WASF1: variants seen among roughly 807,000 people sequenced by gnomAD.
WASF1 encodes WASP family member 1.
Under a neutral mutation model 50.5 loss-of-function variants are expected in WASF1, and 7 were observed. That is an observed-to-expected ratio of 0.14 (90% CI 0.08 to 0.26). WASF1 has a LOEUF of 0.26. Ranked by LOEUF, WASF1 falls within the 10% of genes least tolerant of loss-of-function variation. The pLI, the probability that WASF1 is intolerant of heterozygous loss-of-function variation, is 1.00. For synonymous variants in WASF1, 205 were observed against 244.0 expected (o/e 0.84, Z 1.49); for missense variants, 470 against 694.7 (o/e 0.68, Z 3.64).
chr6:110,113,181 A>T, intron 5 of WASF1, 145 bp downstream of exon 5: 1 of 687,746 alleles, frequency 1.5e-6, no homozygotes, highest in Non-Finnish European at 2.1e-6. Flanking sequence ...ATTTTTAGAT[A>T]ATTCACTGAT....
intron 3 of WASF1, among the ~76,000 whole-genome samples, chr6:110,152,054 C>T (rs1156473722): frequency 3.3e-5 from 5 of 152,108 alleles, no homozygotes; most frequent in Non-Finnish European, 5.9e-5. Context: ...AGCACTATTC[C>T]TATGATTATA....
At chr6:110,142,203 T>C (rs1226581533) in intron 3 of WASF1, among the ~76,000 whole-genome samples, 1 of 152,220 alleles carries the variant, frequency 6.6e-6, no homozygotes, top group Non-Finnish European at 1.5e-5. Context: ...CATTTCTTCA[T>C]CTTTATGGGC....
rs561481806 is a variant in WASF1, at chr6:110,131,743, T to C, written c.-28-4114A>G. ...GTCTCAAACTCCTCAGCTCAGACAA[T>C]TGACCCACCTCAGCCTCCCAAAGTG... On this transcript the variant is annotated intron_variant, in intron 3 of 10. Coordinates refer to ENST00000392589, the MANE Select transcript of WASF1 (RefSeq NM_003931.3). Among the ~76,000 whole-genome samples the C allele has an allele frequency of 7.2e-4, 109 of 152,290 alleles. 3 individuals carry two copies. The East Asian group carries it at 0.019, about 26-fold the overall frequency.
intron 3 of WASF1, among the ~76,000 whole-genome samples, chr6:110,151,239 G>A (rs964039158): frequency 2.0e-5 from 3 of 152,074 alleles, no homozygotes; most frequent in Admixed American, 1.3e-4. Flanking sequence ...AGCAACTTAC[G>A]AGAGTTCCAG....
intron 2 of WASF1, among the ~76,000 whole-genome samples, chr6:110,169,332 T>A (rs1776598057): frequency 1.3e-5 from 2 of 152,044 alleles, no homozygotes; most frequent in African/African-American, 4.8e-5. Context: ...TATCCATCAT[T>A]CCCCACTCTC....
chr6:110,168,596 T>C (rs1461128655), intron 2 of WASF1, among the ~76,000 whole-genome samples: 1 of 152,052 alleles, frequency 6.6e-6, no homozygotes, highest in Admixed American at 6.6e-5. Context: ...GCTTTACTAC[T>C]TGCCAAGCCT....
chr6:110,135,126 G>A (rs1333269085), intron 3 of WASF1, among the ~76,000 whole-genome samples: 1 of 152,106 alleles, frequency 6.6e-6, no homozygotes, highest in Non-Finnish European at 1.5e-5. Context: ...TTTATTTGTT[G>A]CAGCTATTAT....
intron 4 of WASF1, 40 bp from the exon 5 acceptor site, chr6:110,113,500 C>T: frequency 6.5e-7 from 1 of 1,529,488 alleles, no homozygotes; most frequent in South Asian, 1.3e-5. Context: ...ATTTAACATC[C>T]AGAGCACTGA....
intron 3 of WASF1, among the ~76,000 whole-genome samples, chr6:110,160,396 T>C (rs1460857869): frequency 1.3e-5 from 2 of 151,790 alleles, no homozygotes; most frequent in East Asian, 1.9e-4. Flanking sequence ...AGAAAGGTTT[T>C]GAGCCTAGGA....
chr6:110,170,275 T>C (rs1441734159), intron 2 of WASF1, among the ~76,000 whole-genome samples: 1 of 151,522 alleles, frequency 6.6e-6, no homozygotes, highest in East Asian at 1.9e-4. Context: ...CAGACCGGAG[T>C]ATAGTGGTGC....
intron 2 of WASF1, among the ~76,000 whole-genome samples, 156 bp from the exon 3 acceptor site, chr6:110,160,888 G>T (rs1776234757): frequency 1.3e-5 from 2 of 151,374 alleles, no homozygotes; most frequent in Non-Finnish European, 3.0e-5. Context: ...ATTATAATAG[G>T]AAATGAGAGG....
At chr6:110,167,173 C>T (rs1218592968) in intron 2 of WASF1, among the ~76,000 whole-genome samples, 1 of 151,810 alleles carries the variant, frequency 6.6e-6, no homozygotes, top group Non-Finnish European at 1.5e-5. Flanking sequence ...AAAAACCCTA[C>T]TGTGCCGCCA....
chr6:110,110,581 A>G (rs949688060), intron 5 of WASF1, among the ~76,000 whole-genome samples: 1 of 152,230 alleles, frequency 6.6e-6, no homozygotes, highest in African/African-American at 2.4e-5. Context: ...TATTATTAAC[A>G]GACTATTGTG....
chr6:110,110,562 C>T (rs767474184), intron 5 of WASF1, among the ~76,000 whole-genome samples: 2 of 152,128 alleles, frequency 1.3e-5, no homozygotes, highest in African/African-American at 2.4e-5. Context: ...TCTCATTTAT[C>T]GTTTGTCTTA....
intron 5 of WASF1, among the ~76,000 whole-genome samples, chr6:110,109,931 G>A (rs1326288472): frequency 1.3e-5 from 2 of 152,012 alleles, no homozygotes; most frequent in African/African-American, 2.4e-5. Flanking sequence ...CACTCAACAT[G>A]AACATGGGAC....
intron 3 of WASF1, among the ~76,000 whole-genome samples, chr6:110,149,313 C>G (rs538930024): frequency 6.1e-4 from 93 of 151,898 alleles, no homozygotes; most frequent in African/African-American, 2.2e-3. Context: ...CTTTGTTCGC[C>G]TACATCGTTG....
intron 8 of WASF1, 112 bp downstream of exon 8, chr6:110,105,289 CTATATT>C: frequency 9.1e-7 from 1 of 1,093,472 alleles, no homozygotes. Flanking sequence ...GAAATAATCT[CTATATT>C]TATAACAGGG....
At chr6:110,114,627 A>C (rs977463835) in intron 4 of WASF1, among the ~76,000 whole-genome samples, 3 of 152,216 alleles carry the variant, frequency 2.0e-5, no homozygotes, top group Non-Finnish European at 4.4e-5. Context: ...AGGAAGGCAA[A>C]GGATCTAAAC....
At chr6:110,155,274 T>C (rs1776010451) in intron 3 of WASF1, among the ~76,000 whole-genome samples, 2 of 152,092 alleles carry the variant, frequency 1.3e-5, no homozygotes, top group Non-Finnish European at 2.9e-5. Flanking sequence ...CTAAGTATGC[T>C]TTTTATCGGC....
Sources: allele counts gnomAD v4.1 joint callset (sites outside exome capture counted in the v4.1 genomes callset), GRCh38; gene constraint gnomAD v4.1.1; transcripts MANE v1.5; gene names NCBI Gene and HGNC (gene_info 2026-07-23, HGNC 2026-07-21).